Variants in RAI1 observed in about 807,000 individuals in gnomAD.
RAI1 encodes retinoic acid-induced protein 1.
RAI1 carries 9 observed loss-of-function variants against 123.8 expected under a neutral mutation model. The observed-to-expected ratio is 0.07, with a 90% CI of 0.04 to 0.13. The LOEUF (loss-of-function observed/expected upper bound fraction) is 0.13, where lower values mean the gene tolerates loss of function less well. Ranked by LOEUF, RAI1 falls within the 10% of genes least tolerant of loss-of-function variation. The pLI, the probability that RAI1 is intolerant of heterozygous loss-of-function variation, is 1.00. For synonymous variants in RAI1, 1,231 were observed against 1,127.3 expected, an observed-to-expected ratio of 1.09 and a Z score of -1.84; for missense variants, 2,256 against 2,545.8, an observed-to-expected ratio of 0.89 and a Z score of 2.45.
At chr17:17,772,764 G>A (rs1009078793) in intron 2 of RAI1, among the ~76,000 whole-genome samples, 1 of 152,094 alleles carries the variant, frequency 6.6e-6, no homozygotes, top group Non-Finnish European at 1.5e-5. Flanking sequence ...TTTCCCATGC[G>A]CTGGCACTTA....
intron 2 of RAI1, among the ~76,000 whole-genome samples, chr17:17,785,889 C>T (rs1330066484): frequency 6.6e-6 from 1 of 152,216 alleles, no homozygotes; most frequent in African/African-American, 2.4e-5. Flanking sequence ...CATTTGACCC[C>T]AGGAGCTTGT....
chr17:17,780,498 G>A (rs902470112), intron 2 of RAI1, among the ~76,000 whole-genome samples: 15 of 152,122 alleles, frequency 9.9e-5, no homozygotes, highest in African/African-American at 2.4e-4. Flanking sequence ...GCATCTCCCC[G>A]ATTGAGGTCC....
In RAI1 at chr17:17,797,135, C is replaced by T. The variant is rs554456139; in HGVS notation, c.4187C>T (p.Ala1396Val). Residue 1396 changes from alanine (A) to valine (V), a missense_variant, in exon 3 of 6, where the codon GCT becomes GTT. Ala to Val is a moderately conservative substitution (Grantham distance 64). Around this residue, in one of 7 missense-constraint regions of RAI1, gnomAD observed 410 missense variants for 374.6 expected, o/e 1.09. Coordinates refer to ENST00000353383, the MANE Select transcript of RAI1 (RefSeq NM_030665.4). ...GGGCAGAAGCTCCCAACTTCTGGGG[C>T]TGATCCGTTATGCAGAAATCCAACC... ...GTGQKLPTSG[A>V]DPLCRNPTNR... is the part of the protein sequence containing the mutation. 4 of 1,614,026 alleles carry T rather than the reference C, an allele frequency of 2.5e-6. No homozygotes were observed. In the South Asian group the frequency reaches 3.3e-5, roughly 13 times the overall value.
At chr17:17,697,309 G>A (rs752629849) in intron 1 of RAI1, among the ~76,000 whole-genome samples, 17 of 152,240 alleles carry the variant, frequency 1.1e-4, no homozygotes, top group Non-Finnish European at 1.9e-4. Context: ...CCCTTTCCTC[G>A]GGAATAACAG....
chr17:17,769,168 G>C (rs1021204496), intron 2 of RAI1, among the ~76,000 whole-genome samples: 2 of 152,262 alleles, frequency 1.3e-5, no homozygotes, highest in African/African-American at 4.8e-5. Context: ...TCACGAACAA[G>C]GGAGAAAGTT....
chr17:17,735,700 C>T (rs765712181), intron 2 of RAI1, among the ~76,000 whole-genome samples: 3 of 152,172 alleles, frequency 2.0e-5, no homozygotes, highest in Non-Finnish European at 4.4e-5. Flanking sequence ...TAGAAGTGGC[C>T]TGGGCTGCTC....
intron 1 of RAI1, 32 bp downstream of exon 1, chr17:17,681,825 C>T: frequency 3.5e-6 from 1 of 289,204 alleles, no homozygotes; most frequent in Non-Finnish European, 6.4e-6. Flanking sequence ...GCGGGGGGCG[C>T]AGTGTATCCT....
intron 2 of RAI1, among the ~76,000 whole-genome samples, chr17:17,749,205 C>G (rs574794559): frequency 6.6e-6 from 1 of 152,198 alleles, no homozygotes; most frequent in African/African-American, 2.4e-5. Context: ...CAGTCCTGCC[C>G]GCCTCCCCAG....
At chr17:17,687,584 C>A (rs1325095928) in intron 1 of RAI1, among the ~76,000 whole-genome samples, 2 of 151,926 alleles carry the variant, frequency 1.3e-5, no homozygotes, top group African/African-American at 2.4e-5. Flanking sequence ...ATCTGGAAGG[C>A]GAGATAGGGT....
At chr17:17,792,711 C>A (rs1424679358) in intron 2 of RAI1, among the ~76,000 whole-genome samples, 1 of 149,988 alleles carries the variant, frequency 6.7e-6, no homozygotes, top group Non-Finnish European at 1.5e-5. Flanking sequence ...ACCTCCCTGA[C>A]ACAGAAGTTG....
At chr17:17,697,277 G>C (rs1915070948) in intron 1 of RAI1, among the ~76,000 whole-genome samples, 1 of 152,246 alleles carries the variant, frequency 6.6e-6, no homozygotes, top group Non-Finnish European at 1.5e-5. Context: ...TGGATTTACT[G>C]GATGGAAAAA....
Position 17,809,360 on chromosome 17 carries a change from C to G in RAI1, c.5660-30C>G, listed in dbSNP as rs778425042. 6.3e-7 allele frequency: 1 copy of G among 1,589,704 alleles called. No homozygotes were observed. The highest frequency in any genetic ancestry group is 8.6e-7 in the Non-Finnish European group (1 of 1,157,892). ...ACAGCTGTGGGGCCCCCACCCTGTC[C>G]TAACCACCGAAACTTCTCTTTGGTC... On this transcript the variant is annotated intron_variant, in intron 4 of 5. Transcript: ENST00000353383. This position sits in a 1 kb window ranked among gnomAD's most constrained non-coding sequence, Gnocchi z 4.9.
chr17:17,797,980 A>G lies in RAI1; in HGVS notation c.5032A>G (p.Lys1678Glu). 1 of 1,614,034 alleles carries G rather than the reference A, an allele frequency of 6.2e-7. No homozygotes were observed. The highest frequency in any genetic ancestry group is 8.5e-7 in the Non-Finnish European group (1 of 1,180,016). The change falls in exon 3 of 6, where the codon AAG (lysine) becomes GAG (glutamate). Residue 1678 changes from lysine to glutamate, a missense_variant. Physicochemically the swap from Lys to Glu is moderately conservative, Grantham distance 56. Coordinates refer to ENST00000353383, the MANE Select transcript of RAI1 (RefSeq NM_030665.4). ...STMHLGPVVS[K>E]ALSTSCLVCC... ...GATGCACTTGGGGCCTGTGGTTTCC[A>G]AGGCCCTGAGTACCTCTTGCCTTGT...
intron 2 of RAI1, among the ~76,000 whole-genome samples, chr17:17,786,995 C>T (rs934643523): frequency 3.3e-5 from 5 of 152,218 alleles, no homozygotes; most frequent in Non-Finnish European, 7.3e-5. Flanking sequence ...GAGCCCAGAT[C>T]GCGCCATTAC....
chr17:17,728,191 G>A (rs1239044441), intron 2 of RAI1, among the ~76,000 whole-genome samples: 1 of 151,986 alleles, frequency 6.6e-6, no homozygotes. Context: ...GTCTGTGTGT[G>A]AGCACACTGT....
At position 17,800,180 on chromosome 17, in the gene RAI1, GTCTCTCTCTCTCTC is replaced by G. The variant is rs58147049; in HGVS notation, c.5565+1702_5565+1715del. On this transcript the variant is annotated intron_variant, in intron 3 of 5. Coordinates refer to ENST00000353383, the MANE Select transcript of RAI1 (RefSeq NM_030665.4). This position sits in a 1 kb window ranked among gnomAD's most constrained non-coding sequence, Gnocchi z 4.7. ...TCTCTCCTGCTTTCTGTCTCTCTCT[GTCTCTCTCTCTCTC>G]TCTCTCTCTCTCTCTCTCTCTCTCT... 1.2e-3 allele frequency among the ~76,000 whole-genome samples: 145 copies of G among 116,400 alleles called. 1 individual carries two copies. The highest frequency in any genetic ancestry group is 9.9e-3 in the Middle Eastern group (2 of 202). 76.4% of individuals were successfully genotyped at this position (116,400 alleles called of 152,430 possible).
chr17:17,699,843 C>T (rs925256972), intron 1 of RAI1, among the ~76,000 whole-genome samples: 2 of 152,230 alleles, frequency 1.3e-5, no homozygotes, highest in African/African-American at 4.8e-5. Context: ...TGTGCCTCTC[C>T]TGGTCATGTC....
chr17:17,715,602 G>A (rs1017668593), intron 1 of RAI1, among the ~76,000 whole-genome samples: 4 of 152,118 alleles, frequency 2.6e-5, no homozygotes, highest in Non-Finnish European at 4.4e-5. Context: ...TGCCTCCCCC[G>A]GCCCCTTCCA....
At chr17:17,803,126 G>A (rs1370046687) in intron 3 of RAI1, among the ~76,000 whole-genome samples, 1 of 150,734 alleles carries the variant, frequency 6.6e-6, no homozygotes, top group African/African-American at 2.4e-5. Flanking sequence ...AGTGGGCAAG[G>A]ACACACACCA....
Sources: allele counts gnomAD v4.1 joint callset (sites outside exome capture counted in the v4.1 genomes callset), GRCh38; gene constraint gnomAD v4.1.1; regional missense constraint gnomAD v4.1.1; non-coding constraint Gnocchi (gnomAD v3.1); transcripts MANE v1.5; gene names NCBI Gene and HGNC (gene_info 2026-07-23, HGNC 2026-07-21).